The following HSP90AA1 variants were observed in gnomAD, a reference collection of about 807,000 sequenced individuals.
The protein encoded by HSP90AA1 is heat shock protein HSP 90-alpha.
A neutral mutation model predicts 73.3 loss-of-function variants in HSP90AA1; 18 were observed. The observed-to-expected ratio is 0.25, with a 90% CI of 0.17 to 0.36. HSP90AA1 has a LOEUF of 0.36. Among genes scored for constraint, HSP90AA1 ranks in the 10% least tolerant of loss-of-function variants. The probability of loss-of-function intolerance (pLI) is 1.00; values close to 1 mark genes in which losing one functional copy is unlikely to be tolerated. For synonymous variants in HSP90AA1, 477 were observed against 296.9 expected (o/e 1.61, Z -6.24); for missense variants, 704 against 874.2 (o/e 0.81, Z 2.45).
intron 1 of HSP90AA1, among the ~76,000 whole-genome samples, chr14:102,126,607 C>T (rs1299167844): frequency 2.0e-5 from 3 of 152,064 alleles, no homozygotes; most frequent in East Asian, 3.9e-4. Flanking sequence ...TCACTGCAAG[C>T]TCCGCCTCCC....
rs747514865 is a variant in HSP90AA1 at position 102,083,082 on chromosome 14, C to G, written c.1707G>C (p.Glu569Asp). The G allele has an allele frequency of 6.2e-7, 1 of 1,613,856 alleles. No homozygotes were observed. Among genetic ancestry groups the G allele is most frequent in the Non-Finnish European group, 8.5e-7 (1 of 1,179,800 alleles). ...KKQEEKKTKF[E>D]NLCKIMKDIL... ...TGTCTTTCATGATTTTGCAGAGGTT[C>G]TCAAACTTTGTTTTTTTCTCTTCCT... The change falls in exon 9 of 11, where the codon GAG (glutamate) becomes GAC (aspartate). Residue 569 changes from glutamate (E) to aspartate (D), a missense_variant. Coordinates refer to ENST00000216281, the MANE Select transcript of HSP90AA1 (RefSeq NM_005348.4).
chr14:102,085,179 T>C, intron 4 of HSP90AA1, 119 bp downstream of exon 4: 1 of 1,420,954 alleles, frequency 7.0e-7, no homozygotes, highest in Non-Finnish European at 9.9e-7. Flanking sequence ...AGTTAGGTAG[T>C]AGAGCTTAGG....
At chr14:102,127,287 A>G (rs2049851664) in intron 1 of HSP90AA1, among the ~76,000 whole-genome samples, 1 of 152,184 alleles carries the variant, frequency 6.6e-6, no homozygotes, top group African/African-American at 2.4e-5. Flanking sequence ...TGCTTGGATA[A>G]GCTGTTGTTT....
intron 9 of HSP90AA1, 152 bp downstream of exon 9, chr14:102,082,882 G>A: frequency 6.4e-6 from 5 of 778,066 alleles, no homozygotes; most frequent in Non-Finnish European, 9.1e-6. Context: ...GCCTCCCAAA[G>A]TGCTGGGATT....
intron 6 of HSP90AA1, 56 bp from the exon 7 acceptor site, chr14:102,084,039 A>G: frequency 7.8e-7 from 1 of 1,286,396 alleles, no homozygotes; most frequent in Non-Finnish European, 1.1e-6. Context: ...AACTGGTACT[A>G]TGTAAACTCC....
chr14:102,119,146 G>A (rs979192126), intron 1 of HSP90AA1, among the ~76,000 whole-genome samples: 1 of 151,878 alleles, frequency 6.6e-6, no homozygotes, highest in Non-Finnish European at 1.5e-5. Context: ...GAGCCACTGC[G>A]CCCAGCCTCT....
chr14:102,082,930 AGTTTTCT>A lies in HSP90AA1; in HGVS notation c.1755+97_1755+103del, dbSNP rs1271689007. On this transcript the variant is annotated intron_variant, in intron 9 of 10. Coordinates refer to ENST00000216281, the MANE Select transcript of HSP90AA1 (RefSeq NM_005348.4). The stretch of plus-strand genomic sequence containing the variant: ...CACCGCGCCCAGCCACACACAACAT[AGTTTTCT>A]GTTTTAAGTTGAAAACATGCGAAAA... The A allele has an allele frequency of 4.9e-6, 6 of 1,230,742 alleles. No individual in the cohort carries two copies. The African/African-American group carries it at 8.9e-5, about 18-fold the overall frequency. The allele number at this position is 1,230,742 out of a possible 1,614,324, so 76.2% of individuals were successfully genotyped here.
At chr14:102,097,876 A>G (rs1297896688) in intron 2 of HSP90AA1, among the ~76,000 whole-genome samples, 1 of 152,082 alleles carries the variant, frequency 6.6e-6, no homozygotes, top group Non-Finnish European at 1.5e-5. Flanking sequence ...GGCTGGGCCT[A>G]CCGGTCCTCT....
intron 2 of HSP90AA1, among the ~76,000 whole-genome samples, chr14:102,101,641 T>G (rs1412120841): frequency 6.6e-6 from 1 of 152,258 alleles, no homozygotes; most frequent in Non-Finnish European, 1.5e-5. Flanking sequence ...CCCTGTATTA[T>G]GATGATTGTC....
chr14:102,087,931 G>GTTTTTTTTTTTTTTTTT (rs71116877), upstream of HSP90AA1, among the ~76,000 whole-genome samples: 1 of 109,798 alleles, frequency 9.1e-6, no homozygotes, highest in Non-Finnish European at 1.7e-5. Flanking sequence ...GCCCTAAAAG[G>GTTTTTTTTTTTTTTTTT]TTTTTTTTTT....
chr14:102,091,536 C>G (rs555728574), upstream of HSP90AA1, among the ~76,000 whole-genome samples: 1 of 151,948 alleles, frequency 6.6e-6, no homozygotes, highest in Non-Finnish European at 1.5e-5. Context: ...TGAGGCAGGA[C>G]AATTGCTTGA....
At chr14:102,110,148 T>C (rs1274844391) in intron 1 of HSP90AA1, among the ~76,000 whole-genome samples, 2 of 152,126 alleles carry the variant, frequency 1.3e-5, no homozygotes, top group Admixed American at 6.6e-5. Flanking sequence ...TTGGCCAGGC[T>C]GGTCTCGAAC....
intron 1 of HSP90AA1, among the ~76,000 whole-genome samples, chr14:102,135,332 G>GAT (rs1304223588): frequency 6.7e-6 from 1 of 150,010 alleles, no homozygotes; most frequent in Non-Finnish European, 1.5e-5. Context: ...CCCTGAGCTA[G>GAT]ACATAAAGGT....
intron 2 of HSP90AA1, among the ~76,000 whole-genome samples, chr14:102,096,507 A>G (rs887924507): frequency 5.3e-5 from 8 of 152,160 alleles, no homozygotes; most frequent in African/African-American, 1.9e-4. Flanking sequence ...ACCTCTTGCG[A>G]TGCCCTTCTC....
chr14:102,086,330 C>G lies in HSP90AA1; in HGVS notation c.49G>C (p.Val17Leu), dbSNP rs895006179. The change falls in exon 2 of 11, where the codon GTT becomes CTT. Residue 17 changes from valine (V) to leucine (L), a missense_variant. Physicochemically the swap from Val to Leu is conservative, Grantham distance 32. Coordinates refer to ENST00000216281, the MANE Select transcript of HSP90AA1 (RefSeq NM_005348.4). ...TCTGCCTGAAAGGCGAACGTCTCAA[C>G]CTCCTCCTCCTCCATCGGTTGGTCT... ...TQDQPMEEEE[V>L]ETFAFQAEIA... 3 of 1,613,246 alleles carry G rather than the reference C, an allele frequency of 1.9e-6. No homozygotes were observed.
intron 1 of HSP90AA1, among the ~76,000 whole-genome samples, chr14:102,127,207 T>C (rs2152625790): frequency 6.6e-6 from 1 of 152,324 alleles, no homozygotes; most frequent in South Asian, 2.1e-4. Context: ...GGAACTGTTA[T>C]TGAGGCTATT....
At chr14:102,087,135 A>T (rs1253477991), upstream of HSP90AA1, 1 of 981,054 alleles carries the variant, frequency 1.0e-6, no homozygotes, top group Non-Finnish European at 1.2e-6. Flanking sequence ...TTCCGGAAGA[A>T]CCCTCCCCAG....
chr14:102,116,877 A>G (rs972478493), intron 1 of HSP90AA1, among the ~76,000 whole-genome samples: 6 of 152,264 alleles, frequency 3.9e-5, no homozygotes, highest in Non-Finnish European at 8.8e-5. Flanking sequence ...TGCAAGCTCC[A>G]TGCAGTGGTG....
At chr14:102,087,277 C>G (rs1272688438), upstream of HSP90AA1, 6 of 514,632 alleles carry the variant, frequency 1.2e-5, no homozygotes, top group Middle Eastern at 4.9e-3. Flanking sequence ...CGCCGCGCGC[C>G]TCTCGCACGC....
Sources: gnomAD v4.1 joint callset for allele counts (sites outside exome capture counted in the v4.1 genomes callset) on GRCh38, gnomAD v4.1.1 for gene constraint, MANE v1.5 for transcripts, NCBI Gene and HGNC (gene_info 2026-07-23, HGNC 2026-07-21) for gene names.